Variants in CDKAL1 observed in about 807,000 individuals in gnomAD.
CDKAL1 encodes the protein threonylcarbamoyladenosine tRNA methylthiotransferase.
In CDKAL1, 32 loss-of-function variants were observed where a neutral mutation model predicts 68.2. The observed-to-expected ratio is 0.47, with a 90% CI of 0.35 to 0.63. CDKAL1 has a LOEUF of 0.63. Ranked by LOEUF, CDKAL1 falls within the 30% of genes least tolerant of loss-of-function variation. The probability of loss-of-function intolerance (pLI) is 0.00; values close to 1 mark genes in which losing one functional copy is unlikely to be tolerated. For synonymous variants in CDKAL1, 234 were observed against 244.3 expected, an observed-to-expected ratio of 0.96 and a Z score of 0.39; for missense variants, 606 against 696.7, an observed-to-expected ratio of 0.87 and a Z score of 1.47.
At chr6:21,155,175 A>G (rs746430511) in intron 13 of CDKAL1, among the ~76,000 whole-genome samples, 2 of 152,212 alleles carry the variant, frequency 1.3e-5, no homozygotes, top group East Asian at 3.8e-4. Flanking sequence ...CGATTCCTCA[A>G]AATCCTTTAG....
chr6:21,217,257 G>A (rs1229686072), intron 15 of CDKAL1, among the ~76,000 whole-genome samples: 1 of 149,630 alleles, frequency 6.7e-6, no homozygotes, highest in Non-Finnish European at 1.5e-5. Flanking sequence ...TCTTCTATTG[G>A]ACGATACTTT....
At chr6:20,662,723 A>G (rs1562006734) in intron 5 of CDKAL1, among the ~76,000 whole-genome samples, 1 of 152,106 alleles carries the variant, frequency 6.6e-6, no homozygotes, top group South Asian at 2.1e-4. Flanking sequence ...ACTCATATGT[A>G]TGTTTCCTTT....
At chr6:20,680,129 G>A (rs956181659) in intron 5 of CDKAL1, among the ~76,000 whole-genome samples, 1 of 151,862 alleles carries the variant, frequency 6.6e-6, no homozygotes, top group Admixed American at 6.6e-5. Flanking sequence ...GTGTAGTGGC[G>A]TAATCTTGGT....
At position 21,086,821 on chromosome 6, in the gene CDKAL1, A is replaced by T. The variant is rs553176768; in HGVS notation, c.1237-21580A>T. ...TTTGCTATTCTCTGTAGAAGACAGG[A>T]GAAAAACAGAATGAAAACTTTGAGG... On this transcript the variant is annotated intron_variant, in intron 12 of 15. Coordinates refer to ENST00000274695, the MANE Select transcript of CDKAL1 (RefSeq NM_017774.3). 4.3e-4 allele frequency among the ~76,000 whole-genome samples: 66 copies of T among 152,344 alleles called. 1 individual carries two copies. Among genetic ancestry groups the T allele is most frequent in the Non-Finnish European group, 6.3e-4 (43 of 68,038 alleles).
chr6:20,675,671 G>C (rs1562017216), intron 5 of CDKAL1, among the ~76,000 whole-genome samples: 1 of 152,106 alleles, frequency 6.6e-6, no homozygotes, highest in Non-Finnish European at 1.5e-5. Flanking sequence ...TAAAAGTATA[G>C]CACGTACAAT....
At chr6:20,848,304 T>C (rs1487374219) in intron 9 of CDKAL1, among the ~76,000 whole-genome samples, 2 of 152,140 alleles carry the variant, frequency 1.3e-5, no homozygotes, top group African/African-American at 4.8e-5. Flanking sequence ...CCAATTTAGT[T>C]CTAGGAAGTC....
At chr6:21,114,109 G>A (rs1221158206) in intron 13 of CDKAL1, among the ~76,000 whole-genome samples, 1 of 151,886 alleles carries the variant, frequency 6.6e-6, no homozygotes, top group Non-Finnish European at 1.5e-5. Context: ...TTAGCCGGGC[G>A]TGGTGGCCGG....
intron 11 of CDKAL1, among the ~76,000 whole-genome samples, chr6:21,043,361 G>A (rs1770042116): frequency 6.6e-6 from 1 of 152,004 alleles, no homozygotes; most frequent in Admixed American, 6.6e-5. Context: ...GTGTGTGTGT[G>A]TGTGTATAAA....
chr6:20,639,772 G>A (rs1293225517), intron 4 of CDKAL1, among the ~76,000 whole-genome samples: 1 of 152,216 alleles, frequency 6.6e-6, no homozygotes, highest in African/African-American at 2.4e-5. Context: ...CCATGTTCAA[G>A]TGATTCTTCT....
At chr6:21,147,447 A>G (rs967586833) in intron 13 of CDKAL1, among the ~76,000 whole-genome samples, 8 of 152,200 alleles carry the variant, frequency 5.3e-5, no homozygotes, top group African/African-American at 1.9e-4. Context: ...TCAGACCATC[A>G]CACAAAGGCT....
intron 15 of CDKAL1, among the ~76,000 whole-genome samples, chr6:21,206,983 G>C (rs998619695): frequency 6.6e-6 from 1 of 151,180 alleles, no homozygotes; most frequent in African/African-American, 2.4e-5. Flanking sequence ...CGCGATCTCG[G>C]CTCACTGCCA....
intron 9 of CDKAL1, among the ~76,000 whole-genome samples, chr6:20,917,886 T>C (rs2150641316): frequency 6.6e-6 from 1 of 152,290 alleles, no homozygotes; most frequent in South Asian, 2.1e-4. Context: ...GATTAAGTCA[T>C]GAGAGCAGAA....
intron 15 of CDKAL1, among the ~76,000 whole-genome samples, chr6:21,209,439 T>G (rs755715259): frequency 7.2e-5 from 11 of 152,202 alleles, no homozygotes; most frequent in Non-Finnish European, 1.6e-4. Context: ...GTTTCAATGT[T>G]TATTATCCAG....
At chr6:20,890,044 G>A (rs558629271) in intron 9 of CDKAL1, among the ~76,000 whole-genome samples, 5 of 152,040 alleles carry the variant, frequency 3.3e-5, no homozygotes, top group Admixed American at 1.3e-4. Context: ...ATGAGCTACC[G>A]TGCCCGGGCT....
intron 10 of CDKAL1, among the ~76,000 whole-genome samples, chr6:20,987,314 A>C (rs1344582150): frequency 3.4e-5 from 5 of 148,494 alleles, no homozygotes; most frequent in Non-Finnish European, 5.9e-5. Context: ...GCTGGAGTGC[A>C]GTGGCACAAT....
At chr6:21,040,823 G>A (rs1769881678) in intron 11 of CDKAL1, among the ~76,000 whole-genome samples, 1 of 152,098 alleles carries the variant, frequency 6.6e-6, no homozygotes, top group African/African-American at 2.4e-5. Flanking sequence ...GACATGCATT[G>A]TTCTTTCCCT....
At chr6:20,699,679 A>G (rs1562035279) in intron 5 of CDKAL1, among the ~76,000 whole-genome samples, 1 of 152,260 alleles carries the variant, frequency 6.6e-6, no homozygotes, top group East Asian at 1.9e-4. Context: ...AGAGTTGCAT[A>G]ACTTAGGAGA....
chr6:21,087,254 T>C (rs1772743206), intron 12 of CDKAL1, among the ~76,000 whole-genome samples: 1 of 152,198 alleles, frequency 6.6e-6, no homozygotes, highest in South Asian at 2.1e-4. Context: ...GGACTCTATA[T>C]GGGTTGTAAC....
chr6:21,146,797 GC>G (rs559116657), intron 13 of CDKAL1, among the ~76,000 whole-genome samples: 301 of 139,562 alleles, frequency 2.2e-3, no homozygotes, highest in Middle Eastern at 0.017. Flanking sequence ...CTTGCAGTGA[GC>G]CAAGATCTCG....
Sources: gnomAD v4.1 joint callset for allele counts (sites outside exome capture counted in the v4.1 genomes callset) on GRCh38, gnomAD v4.1.1 for gene constraint, MANE v1.5 for transcripts, NCBI Gene and HGNC (gene_info 2026-07-23, HGNC 2026-07-21) for gene names.